The following PPOX variants were observed in gnomAD, a reference collection of about 807,000 sequenced individuals.
PPOX encodes the protein protoporphyrinogen oxidase.
Under a neutral mutation model 54.1 loss-of-function variants are expected in PPOX, and 23 were observed. That is an observed-to-expected ratio of 0.43 (90% CI 0.31 to 0.60). The LOEUF is 0.60. Among genes scored for constraint, PPOX ranks in the 20% least tolerant of loss-of-function variants. The pLI, the probability that PPOX is intolerant of heterozygous loss-of-function variation, is 0.13. For synonymous variants in PPOX, 224 were observed against 236.1 expected (o/e 0.95, Z 0.47); for missense variants, 512 against 601.1 (o/e 0.85, Z 1.55).
chr1:161,171,958 C>T (rs769702808), downstream of PPOX: 8 of 1,613,956 alleles, frequency 5.0e-6, no homozygotes, highest in Admixed American at 3.3e-5. Context: ...CCGAGGACCC[C>T]GAGGGTCAGT....
At chr1:161,168,889 C>T (rs1306225466) in intron 6 of PPOX, 104 bp from the exon 7 acceptor site, 4 of 1,356,146 alleles carry the variant, frequency 2.9e-6, no homozygotes, top group South Asian at 1.2e-5. Flanking sequence ...GTCTCAAACT[C>T]CTGACCTCAA....
chr1:161,173,650 T>C (rs149349892), downstream of PPOX: 81 of 1,613,972 alleles, frequency 5.0e-5, no homozygotes, highest in Non-Finnish European at 5.6e-5. Flanking sequence ...CCAGTATTCA[T>C]TGGGGAAGCC....
chr1:161,173,813 G>A, downstream of PPOX: 1 of 1,609,990 alleles, frequency 6.2e-7, no homozygotes, highest in Non-Finnish European at 8.5e-7. Context: ...TCCTTCCACA[G>A]GATAGTAGGC....
chr1:161,167,086 C>T lies in PPOX; in HGVS notation c.88-14C>T, dbSNP rs368206934. Reference sequence around the variant, plus strand: ...TACAGGCGGTGCTGCAGTGTCTCTCCCTCTTGTCGCCAGGTGGTCCTAGTG... The same window carrying T: ...TACAGGCGGTGCTGCAGTGTCTCTCTCTCTTGTCGCCAGGTGGTCCTAGTG... On this transcript the variant is annotated splice_polypyrimidine_tract_variant and intron_variant, in intron 2 of 12. Coordinates refer to ENST00000367999, the MANE Select transcript of PPOX (RefSeq NM_001122764.3). 1.2e-6 allele frequency: 2 copies of T among 1,614,100 alleles called. No individual in the cohort carries two copies. The highest frequency in any genetic ancestry group is 2.7e-5 in the African/African-American group (2 of 74,928).
At position 161,167,973 on chromosome 1, in the gene PPOX, C is replaced by T. The variant is rs1659728142; in HGVS notation, c.339-22C>T. 4 of 1,614,066 alleles carry T rather than the reference C, an allele frequency of 2.5e-6. No homozygotes were observed. In the East Asian group the frequency reaches 8.9e-5, roughly 36 times the overall value. ...GGAGGTATGTCAGGAGCTTCCCCCTCACTATGCCTTTCTCCATGCAGGGGG... is the reference window on the plus strand; with the variant it reads ...GGAGGTATGTCAGGAGCTTCCCCCTTACTATGCCTTTCTCCATGCAGGGGG... On this transcript the variant is annotated intron_variant, in intron 4 of 12. Transcript: ENST00000367999.
intron 9 of PPOX, 89 bp from the exon 10 acceptor site, chr1:161,170,320 G>T (rs941059571): frequency 1.8e-5 from 9 of 494,884 alleles, no homozygotes; most frequent in African/African-American, 8.1e-5. Context: ...GTGAGACTCT[G>T]TCCCCCCCAC....
At chr1:161,174,492 ATCTTTTTCAT>A (rs913866114), downstream of PPOX, among the ~76,000 whole-genome samples, 2 of 152,076 alleles carry the variant, frequency 1.3e-5, no homozygotes, top group African/African-American at 4.8e-5. Flanking sequence ...AAGAAAGACT[ATCTTTTTCAT>A]TTTTCCACTT....
chr1:161,166,253 G>A (rs1158074040), upstream of PPOX: 4 of 963,836 alleles, frequency 4.2e-6, no homozygotes, highest in Non-Finnish European at 4.9e-6. Flanking sequence ...GACGGGTACG[G>A]CCGCTCACTC....
rs750369559 is a variant in PPOX, at chr1:161,169,226, A to T, written c.807+43A>T. 1.9e-5 allele frequency: 31 copies of T among 1,605,974 alleles called. No individual in the cohort carries two copies. The South Asian group carries it at 3.3e-4, about 17-fold the overall frequency. On this transcript the variant is annotated intron_variant, in intron 7 of 12. Coordinates refer to ENST00000367999, the MANE Select transcript of PPOX (RefSeq NM_001122764.3). The stretch of plus-strand genomic sequence containing the variant: ...GTGTAATGAACCTGTCAGTGTTTCC[A>T]TCTTTATCCAAGTGGCTTAACTAGG...
chr1:161,174,066 G>A, downstream of PPOX: 1 of 1,611,294 alleles, frequency 6.2e-7, no homozygotes, highest in Admixed American at 1.7e-5. Context: ...GATAATGGAG[G>A]GGAACCAGAC....
Position 161,176,460 on chromosome 1 carries a change from T to C in PPOX, c.373-389T>C, listed in dbSNP as rs185263519. On this transcript the variant is annotated intron_variant, in intron 4 of 4. Coordinates refer to the PPOX transcript ENST00000497522. The stretch of plus-strand genomic sequence containing the variant: ...TAGGTTCAAGCTGTCTTCTTAGGGA[T>C]CATGGGGGCTCCAGGGGGTCCCGGG... The C allele has an allele frequency of 1.1e-5, 4 of 374,436 alleles. No individual in the cohort carries two copies. The East Asian group carries it at 1.6e-4, about 15-fold the overall frequency. 23.2% of individuals were successfully genotyped at this position (374,436 alleles called of 1,614,324 possible). A position where few individuals can be genotyped will look rare whatever the true frequency, so the allele number is the denominator to read the frequency against.
chr1:161,169,772 A>C lies in PPOX; in HGVS notation c.868+52A>C, dbSNP rs1238566100. 1.9e-6 allele frequency: 3 copies of C among 1,613,376 alleles called. No individual in the cohort carries two copies. The African/African-American group carries it at 4.0e-5, about 22-fold the overall frequency. On this transcript the variant is annotated intron_variant, in intron 8 of 12. Transcript: ENST00000367999. ...CCCAACCCCTACCAGTGAGAAGCAA[A>C]AGCTATACCTTCCTGGGTCAGCAGG...
chr1:161,170,861 G>A, intron 11 of PPOX, 46 bp from the exon 12 acceptor site: 1 of 1,613,862 alleles, frequency 6.2e-7, no homozygotes, highest in African/African-American at 1.3e-5. Flanking sequence ...CAAGGCCTAG[G>A]ACATCAATAA....
At chr1:161,171,643 A>G, downstream of PPOX, 1 of 852,582 alleles carries the variant, frequency 1.2e-6, no homozygotes, top group South Asian at 1.8e-5. Context: ...GGGACCCCTC[A>G]GGTCTACAGG....
At chr1:161,176,211 G>T (rs1043603037), downstream of PPOX, 85 of 938,396 alleles carry the variant, frequency 9.1e-5, no homozygotes, top group Non-Finnish European at 1.2e-4. Context: ...GGAGCACACA[G>T]GTGCACAGTC....
chr1:161,167,347 C>A, intron 3 of PPOX, 24 bp from the exon 4 acceptor site: 1 of 1,614,034 alleles, frequency 6.2e-7, no homozygotes, highest in African/African-American at 1.3e-5. Flanking sequence ...AGTTTCTCCT[C>A]TTCTGAGGGC....
In PPOX at chr1:161,170,685, G is replaced by A; in HGVS notation, c.1164G>A (p.Leu388=). ...GTGGCTGTGTCTTATCTCAGGAGCT[G>A]TTTCAACAGCGGGCCCAGGAAGCAG... ...EASGCVLSQE[L]FQQRAQEAAA... is the part of the protein sequence containing the mutation. The change falls in exon 11 of 13, where the codon CTG becomes CTA. Residue 388 remains leucine, a synonymous_variant. Transcript: ENST00000367999. 1.2e-6 allele frequency: 2 copies of A among 1,614,130 alleles called. No homozygotes were observed. Among genetic ancestry groups the A allele is most frequent in the Non-Finnish European group, 1.7e-6 (2 of 1,180,032 alleles).
At chr1:161,176,084 GAGAGGGGAATTCTGGGGGTAGGCAGGA>G, downstream of PPOX, 1 of 1,611,968 alleles carries the variant, frequency 6.2e-7, no homozygotes, top group Non-Finnish European at 8.5e-7. Context: ...TCTAGGGAGG[GAGAGGGGAATTCTGGGGGTAGGCAGGA>G]AGAGAGCAAG....
At chr1:161,172,331 C>A, downstream of PPOX, 1 of 1,613,294 alleles carries the variant, frequency 6.2e-7, no homozygotes, top group South Asian at 1.1e-5. Context: ...CCAGGCGCAC[C>A]CTATGGGAAA....
Sources: allele counts gnomAD v4.1 joint callset (sites outside exome capture counted in the v4.1 genomes callset), GRCh38; gene constraint gnomAD v4.1.1; transcripts MANE v1.5; gene names NCBI Gene and HGNC (gene_info 2026-07-23, HGNC 2026-07-21).